MALRD1: variants seen among roughly 807,000 people sequenced by gnomAD.
MALRD1 encodes MAM and LDL receptor class A domain containing 1, also known as MAM and LDL-receptor class A domain-containing protein 1.
In MALRD1, 247 loss-of-function variants were observed where a neutral mutation model predicts 242.1. The observed-to-expected ratio is 1.02, with a 90% CI of 0.92 to 1.13. The LOEUF (loss-of-function observed/expected upper bound fraction) is 1.13, where lower values mean the gene tolerates loss of function less well. Among genes scored for constraint, MALRD1 ranks in the 50% most tolerant of loss-of-function variants. MALRD1 has a pLI of 0.00. For synonymous variants in MALRD1, 995 were observed against 866.6 expected (o/e 1.15, Z -2.60); for missense variants, 2,989 against 2,533.1 (o/e 1.18, Z -3.86).
At chr10:19,476,284 G>A (rs1005232759) in intron 29 of MALRD1, among the ~76,000 whole-genome samples, 4 of 152,012 alleles carry the variant, frequency 2.6e-5, no homozygotes, top group Non-Finnish European at 4.4e-5. Context: ...AGTCCCAAAT[G>A]GAATAGTCCT....
chr10:19,706,219 G>C (rs1046689586), intron 38 of MALRD1, among the ~76,000 whole-genome samples: 3 of 152,272 alleles, frequency 2.0e-5, no homozygotes, highest in East Asian at 1.9e-4. Flanking sequence ...TAGAGACTCT[G>C]GGAAGGGAAA....
chr10:19,218,135 A>C (rs1304091579), intron 18 of MALRD1, among the ~76,000 whole-genome samples: 2 of 152,124 alleles, frequency 1.3e-5, no homozygotes, highest in Admixed American at 1.3e-4. Context: ...TTATGTATAT[A>C]AGAGGCTTCA....
chr10:19,521,508 A>G (rs1040582534), intron 31 of MALRD1, among the ~76,000 whole-genome samples: 3 of 152,096 alleles, frequency 2.0e-5, no homozygotes, highest in Admixed American at 6.6e-5. Flanking sequence ...CCCCCTCACT[A>G]TCCACACCTT....
At chr10:19,347,717 T>A in intron 24 of MALRD1, 54 bp from the exon 25 acceptor site, 1 of 1,537,710 alleles carries the variant, frequency 6.5e-7, no homozygotes, top group Non-Finnish European at 8.8e-7. Flanking sequence ...ATTGCATGTT[T>A]TAAAGTAGGC....
intron 33 of MALRD1, among the ~76,000 whole-genome samples, chr10:19,588,655 T>C (rs1837579046): frequency 6.6e-6 from 1 of 152,208 alleles, no homozygotes; most frequent in African/African-American, 2.4e-5. Context: ...TTTACTCATG[T>C]ATGTAGAGAC....
At chr10:19,480,572 G>T (rs1836948637) in intron 29 of MALRD1, among the ~76,000 whole-genome samples, 4 of 152,184 alleles carry the variant, frequency 2.6e-5, no homozygotes, top group Admixed American at 2.0e-4. Context: ...CAGAATGGGA[G>T]GGGTTGACAT....
chr10:19,084,756 A>T (rs1303262137), intron 2 of MALRD1, among the ~76,000 whole-genome samples: 1 of 151,994 alleles, frequency 6.6e-6, no homozygotes, highest in East Asian at 1.9e-4. Flanking sequence ...TTTGTCATCA[A>T]ACTTGGGATT....
intron 18 of MALRD1, among the ~76,000 whole-genome samples, chr10:19,217,326 C>A (rs1278890304): frequency 1.3e-5 from 2 of 152,140 alleles, no homozygotes; most frequent in African/African-American, 4.8e-5. Flanking sequence ...AGAGTTCATT[C>A]TCTTTTTGTA....
chr10:19,097,217 C>G (rs1338880862), intron 4 of MALRD1, among the ~76,000 whole-genome samples: 2 of 152,070 alleles, frequency 1.3e-5, no homozygotes, highest in East Asian at 3.8e-4. Context: ...GTTAAATAAC[C>G]TACTAAATCC....
intron 36 of MALRD1, among the ~76,000 whole-genome samples, chr10:19,624,298 A>G (rs1839543480): frequency 6.6e-6 from 1 of 152,174 alleles, no homozygotes; most frequent in Non-Finnish European, 1.5e-5. Flanking sequence ...TGATACAACC[A>G]TACAATGGAA....
chr10:19,213,986 A>G (rs1224836210), intron 18 of MALRD1, among the ~76,000 whole-genome samples: 2 of 152,178 alleles, frequency 1.3e-5, no homozygotes, highest in Non-Finnish European at 2.9e-5. Flanking sequence ...AATAAGCACT[A>G]TTACTGGACC....
intron 28 of MALRD1, among the ~76,000 whole-genome samples, chr10:19,401,860 T>C (rs1311004741): frequency 6.6e-6 from 1 of 152,166 alleles, no homozygotes; most frequent in Non-Finnish European, 1.5e-5. Context: ...TTTGCCAACA[T>C]TTTGTAGCAT....
intron 26 of MALRD1, among the ~76,000 whole-genome samples, chr10:19,354,567 T>A (rs1844538015): frequency 1.3e-5 from 2 of 152,138 alleles, no homozygotes; most frequent in African/African-American, 4.8e-5. Context: ...CATTCTACTC[T>A]CTACCTTTGT....
chr10:19,344,483 T>C (rs1844020863), intron 24 of MALRD1, among the ~76,000 whole-genome samples: 1 of 152,070 alleles, frequency 6.6e-6, no homozygotes, highest in Non-Finnish European at 1.5e-5. Flanking sequence ...ATTTCTGGGT[T>C]CTTTTCTGTT....
chr10:19,531,447 A>G lies in MALRD1; in HGVS notation c.5478+96A>G. 3 of 1,223,488 alleles carry G rather than the reference A, an allele frequency of 2.5e-6. No homozygotes were observed. The East Asian group carries it at 7.9e-5, about 32-fold the overall frequency. 75.8% of individuals were successfully genotyped at this position (1,223,488 alleles called of 1,614,324 possible). ...TCTTATTTGTATTTTTGTTGGTCAC[A>G]CCGCCAGTGCTGATGCCATTAATTT... On this transcript the variant is annotated intron_variant, in intron 32 of 39. Coordinates refer to ENST00000454679, the MANE Select transcript of MALRD1 (RefSeq NM_001142308.3).
At chr10:19,542,678 A>G (rs1835023962) in intron 32 of MALRD1, among the ~76,000 whole-genome samples, 1 of 152,146 alleles carries the variant, frequency 6.6e-6, no homozygotes, top group Non-Finnish European at 1.5e-5. Context: ...TGAAAGAATG[A>G]TAGCTTCTCA....
intron 36 of MALRD1, 145 bp from the exon 37 acceptor site, chr10:19,692,137 A>T (rs1257976618): frequency 3.4e-6 from 2 of 585,520 alleles, no homozygotes; most frequent in South Asian, 3.1e-5. Context: ...GCTTTGGCTT[A>T]AAGTTTTTGG....
chr10:19,288,614 T>A (rs1473564472), intron 21 of MALRD1, among the ~76,000 whole-genome samples: 1 of 152,106 alleles, frequency 6.6e-6, no homozygotes, highest in African/African-American at 2.4e-5. Flanking sequence ...GTATCTTCTC[T>A]TTTTCTGAGG....
intron 28 of MALRD1, among the ~76,000 whole-genome samples, chr10:19,390,823 C>T (rs1195114544): frequency 6.6e-6 from 1 of 152,116 alleles, no homozygotes; most frequent in African/African-American, 2.4e-5. Context: ...TAACTTAGAA[C>T]TCTTCTATAA....
Sources: allele counts gnomAD v4.1 joint callset (sites outside exome capture counted in the v4.1 genomes callset), GRCh38; gene constraint gnomAD v4.1.1; transcripts MANE v1.5; gene names NCBI Gene and HGNC (gene_info 2026-07-23, HGNC 2026-07-21).